Variants in CSMD1 observed in about 807,000 individuals in gnomAD.
The protein encoded by CSMD1 is CUB and sushi domain-containing protein 1.
A neutral mutation model predicts 417.5 loss-of-function variants in CSMD1; 213 were observed. The ratio of observed to expected loss-of-function variants is 0.51; its 90% CI spans 0.46 to 0.57. The LOEUF (loss-of-function observed/expected upper bound fraction) is 0.57. Among genes scored for constraint, CSMD1 ranks in the 20% least tolerant of loss-of-function variants. The pLI is 0.00. For missense variants in CSMD1, 6,923 were observed against 4,529.7 expected (o/e 1.53, Z -15.17); for synonymous variants, 2,862 against 1,736.8 (o/e 1.65, Z -16.11).
At chr8:4,063,060 T>C (rs1278333989) in intron 3 of CSMD1, among the ~76,000 whole-genome samples, 2 of 152,142 alleles carry the variant, frequency 1.3e-5, no homozygotes, top group African/African-American at 2.4e-5. Flanking sequence ...GGGATAAATA[T>C]ATGAGAGAGA....
intron 3 of CSMD1, among the ~76,000 whole-genome samples, chr8:4,135,857 T>C (rs1585393209): frequency 6.6e-6 from 1 of 152,164 alleles, no homozygotes; most frequent in Non-Finnish European, 1.5e-5. Context: ...TTTTTTTAAA[T>C]CTAATAAGAA....
At chr8:3,251,350 G>A (rs1169730115) in intron 26 of CSMD1, among the ~76,000 whole-genome samples, 1 of 152,212 alleles carries the variant, frequency 6.6e-6, no homozygotes, top group Non-Finnish European at 1.5e-5. Context: ...TTTTTGTCAG[G>A]TTTGTCAAAG....
At chr8:4,711,115 G>C (rs762485465) in intron 1 of CSMD1, among the ~76,000 whole-genome samples, 15 of 150,856 alleles carry the variant, frequency 9.9e-5, no homozygotes, top group African/African-American at 2.4e-4. Flanking sequence ...ATTATTATAA[G>C]AGAAGTTTGG....
At chr8:4,373,232 C>A (rs967142640) in intron 3 of CSMD1, among the ~76,000 whole-genome samples, 26 of 152,112 alleles carry the variant, frequency 1.7e-4, no homozygotes, top group African/African-American at 6.0e-4. Flanking sequence ...AGAAACTACC[C>A]CAGCCAAGAG....
At position 4,361,618 on chromosome 8, in the gene CSMD1, G is replaced by C. The variant is rs117555929; in HGVS notation, c.415+58335C>G. Among the ~76,000 whole-genome samples the C allele has an allele frequency of 8.5e-5, 13 of 152,246 alleles. No homozygotes were observed. The East Asian group carries it at 2.5e-3, about 29-fold the overall frequency. On this transcript the variant is annotated intron_variant, in intron 3 of 69. Transcript: ENST00000635120. ...CCCTATTTTATACTCCCAACTCTCT[G>C]CTTTGCTGTCCCTTTTGTTTTGTTT...
chr8:4,389,643 C>T (rs1280600251), intron 3 of CSMD1, among the ~76,000 whole-genome samples: 2 of 152,096 alleles, frequency 1.3e-5, no homozygotes, highest in East Asian at 3.9e-4. Flanking sequence ...TCGTAGTATC[C>T]ACTTCCCTCC....
chr8:4,200,473 T>G (rs182517653), intron 3 of CSMD1, among the ~76,000 whole-genome samples: 3 of 152,200 alleles, frequency 2.0e-5, no homozygotes, highest in Admixed American at 6.5e-5. Flanking sequence ...AGTGACAAAG[T>G]TGAATCTCAG....
chr8:4,933,332 C>T (rs147853703), intron 1 of CSMD1, among the ~76,000 whole-genome samples: 37 of 152,212 alleles, frequency 2.4e-4, no homozygotes, highest in East Asian at 2.1e-3. Flanking sequence ...ATTAATATGC[C>T]GTTTAAATAT....
intron 4 of CSMD1, among the ~76,000 whole-genome samples, chr8:4,000,722 G>A (rs1815601912): frequency 6.6e-6 from 1 of 151,746 alleles, no homozygotes; most frequent in African/African-American, 2.4e-5. Context: ...AGTAATAATT[G>A]TTTTTCATGT....
chr8:3,273,505 T>C (rs185666727), intron 26 of CSMD1, among the ~76,000 whole-genome samples: 1,678 of 152,304 alleles, frequency 0.011, 38 homozygotes, highest in African/African-American at 0.038. Context: ...TCAGAAGGAA[T>C]GGTACAAATT....
At chr8:3,392,021 C>T (rs1468435696) in intron 17 of CSMD1, among the ~76,000 whole-genome samples, 1 of 149,920 alleles carries the variant, frequency 6.7e-6, no homozygotes, top group Non-Finnish European at 1.5e-5. Context: ...AAACCAAACA[C>T]CTCATGTTCT....
intron 3 of CSMD1, among the ~76,000 whole-genome samples, chr8:4,255,849 T>G (rs942039336): frequency 6.6e-6 from 1 of 152,236 alleles, no homozygotes; most frequent in East Asian, 1.9e-4. Flanking sequence ...CTTTTAAGTT[T>G]ACTTCACAGA....
intron 7 of CSMD1, among the ~76,000 whole-genome samples, chr8:3,703,140 T>C (rs566971408): frequency 6.6e-6 from 1 of 152,340 alleles, no homozygotes; most frequent in East Asian, 1.9e-4. Context: ...GATTACAAGC[T>C]GGTGAAAAAG....
Position 3,399,435 on chromosome 8 carries a change from T to G in CSMD1, c.2361A>C (p.Ile787=), listed in dbSNP as rs745747213. The G allele has an allele frequency of 3.7e-6, 6 of 1,609,030 alleles. No individual in the cohort carries two copies. The highest frequency in any genetic ancestry group is 5.1e-6 in the Non-Finnish European group (6 of 1,177,826). The change falls in exon 16 of 70, where the codon ATA becomes ATC. Residue 787 remains isoleucine, a synonymous_variant. Coordinates refer to ENST00000635120, the MANE Select transcript of CSMD1 (RefSeq NM_033225.6). ...YYKDSLHCEW[I]IEAKPGHSIK... ...TAGAGTGGCCTGGTTTTGCTTCAAT[T>G]ATCCATTCACAATGTAAAGAATCCT...
intron 3 of CSMD1, among the ~76,000 whole-genome samples, chr8:4,350,737 C>T (rs908955526): frequency 9.2e-5 from 14 of 152,184 alleles, no homozygotes; most frequent in Admixed American, 1.3e-4. Flanking sequence ...CACATTTGCT[C>T]TTCTCTAAAT....
At chr8:3,823,200 A>C (rs1264884062) in intron 5 of CSMD1, among the ~76,000 whole-genome samples, 35 of 152,114 alleles carry the variant, frequency 2.3e-4, no homozygotes, top group Non-Finnish European at 2.9e-5. Flanking sequence ...CACAGTTTGC[A>C]ATATTGGTGG....
At chr8:2,963,888 T>G (rs1803714606) in intron 59 of CSMD1, among the ~76,000 whole-genome samples, 1 of 152,178 alleles carries the variant, frequency 6.6e-6, no homozygotes, top group Non-Finnish European at 1.5e-5. Flanking sequence ...AATGCCTGAA[T>G]GGTTAAAGAA....
At chr8:3,817,495 G>A (rs1801453478) in intron 5 of CSMD1, among the ~76,000 whole-genome samples, 2 of 151,674 alleles carry the variant, frequency 1.3e-5, no homozygotes, top group African/African-American at 4.8e-5. Flanking sequence ...TAGCGAGGAT[G>A]GTCTCAATCT....
intron 1 of CSMD1, among the ~76,000 whole-genome samples, chr8:4,678,575 T>C (rs1055951922): frequency 6.6e-6 from 1 of 152,190 alleles, no homozygotes; most frequent in African/African-American, 2.4e-5. Flanking sequence ...TAACATTATA[T>C]TCAGAAATTA....
Sources: allele counts gnomAD v4.1 joint callset (sites outside exome capture counted in the v4.1 genomes callset), GRCh38; gene constraint gnomAD v4.1.1; transcripts MANE v1.5; gene names NCBI Gene and HGNC (gene_info 2026-07-23, HGNC 2026-07-21).